The following IL1RAP variants were observed in gnomAD, a reference collection of about 807,000 sequenced individuals.
IL1RAP encodes the protein interleukin-1 receptor accessory protein.
Under a neutral mutation model 60.7 loss-of-function variants are expected in IL1RAP, and 35 were observed. That is an observed-to-expected ratio of 0.58 (90% confidence interval 0.44 to 0.76). The LOEUF is 0.76. Among genes scored for constraint, IL1RAP ranks in the 30% least tolerant of loss-of-function variants. The pLI, the probability that IL1RAP is intolerant of heterozygous loss-of-function variation, is 0.00. For synonymous variants in IL1RAP, 268 were observed against 250.9 expected (o/e 1.07, Z -0.64); for missense variants, 572 against 693.9 (o/e 0.82, Z 1.97).
Position 190,545,489 on chromosome 3 carries a change from A to G in IL1RAP, c.-88-10641A>G, listed in dbSNP as rs74781163. ...ATCCTTTTATCGGAGACAGCTACAG[A>G]TCAATGACATGAAGCAACATGGGAT... On this transcript the variant is annotated intron_variant, in intron 1 of 11. Transcript: ENST00000447382. Among the ~76,000 whole-genome samples the G allele has an allele frequency of 9.1e-3, 1,386 of 152,318 alleles. 12 individuals carry two copies. The highest frequency in any genetic ancestry group is 0.013 in the Non-Finnish European group (911 of 68,026).
chr3:190,658,921 C>T (rs1734697674), exon 12 of IL1RAP: 1 of 152,192 alleles, frequency 6.6e-6, no homozygotes, highest in Non-Finnish European at 1.5e-5. Context: ...TAGAAAATGA[C>T]TTAGCACAAC....
intron 3 of IL1RAP, among the ~76,000 whole-genome samples, chr3:190,575,227 G>A (rs940713669): frequency 6.6e-6 from 1 of 152,126 alleles, no homozygotes; most frequent in African/African-American, 2.4e-5. Context: ...TGTACGTAGG[G>A]TAGGCAAAGA....
intron 1 of IL1RAP, among the ~76,000 whole-genome samples, chr3:190,523,805 T>C (rs546568744): frequency 6.6e-6 from 1 of 152,238 alleles, no homozygotes; most frequent in African/African-American, 2.4e-5. Flanking sequence ...TCTTTGCTAT[T>C]GTGAATAGTG....
At chr3:190,527,648 G>C (rs891292243) in intron 1 of IL1RAP, among the ~76,000 whole-genome samples, 2 of 146,182 alleles carry the variant, frequency 1.4e-5, no homozygotes, top group African/African-American at 5.2e-5. Context: ...ACATTTGTTT[G>C]CTTCTTTGTA....
intron 9 of IL1RAP, among the ~76,000 whole-genome samples, chr3:190,636,929 T>C (rs1733271572): frequency 6.6e-6 from 1 of 152,192 alleles, no homozygotes; most frequent in South Asian, 2.1e-4. Flanking sequence ...TTTGAGCTTT[T>C]GGCTCTTCCT....
chr3:190,524,873 C>CAT (rs1468092018), intron 1 of IL1RAP, among the ~76,000 whole-genome samples: 3 of 151,948 alleles, frequency 2.0e-5, no homozygotes, highest in Non-Finnish European at 1.5e-5. Context: ...CATATACACA[C>CAT]ATATATATAC....
chr3:190,627,196 A>T (rs1040089763), intron 7 of IL1RAP, 127 bp from the exon 8 acceptor site: 2 of 728,916 alleles, frequency 2.7e-6, no homozygotes, highest in African/African-American at 1.8e-5. Context: ...TTAGCCAGAG[A>T]GTAGAACCAA....
chr3:190,598,370 C>G (rs1729566186), intron 3 of IL1RAP, among the ~76,000 whole-genome samples: 1 of 151,752 alleles, frequency 6.6e-6, no homozygotes, highest in Non-Finnish European at 1.5e-5. Flanking sequence ...GACTGTCAAG[C>G]CAATACATAA....
intron 1 of IL1RAP, among the ~76,000 whole-genome samples, chr3:190,524,511 A>T (rs1446695169): frequency 6.6e-6 from 1 of 152,038 alleles, no homozygotes; most frequent in Non-Finnish European, 1.5e-5. Context: ...TTTACGTATG[A>T]TGTAAGGAAG....
chr3:190,515,231 T>C (rs983219458), intron 1 of IL1RAP, among the ~76,000 whole-genome samples: 1 of 125,956 alleles, frequency 7.9e-6, no homozygotes, highest in African/African-American at 3.9e-5. Context: ...CTTTCTTTCT[T>C]CCTTTTTTTT....
chr3:190,616,212 T>G (rs1163723972), intron 5 of IL1RAP, among the ~76,000 whole-genome samples: 4 of 152,220 alleles, frequency 2.6e-5, no homozygotes, highest in Non-Finnish European at 5.9e-5. Flanking sequence ...TCGATAGCAC[T>G]TCATTCATAT....
At chr3:190,613,940 T>G (rs762776101) in intron 5 of IL1RAP, among the ~76,000 whole-genome samples, 1 of 152,100 alleles carries the variant, frequency 6.6e-6, no homozygotes, top group South Asian at 2.1e-4. Flanking sequence ...GGTAATCAAC[T>G]GACACCTTTA....
intron 9 of IL1RAP, among the ~76,000 whole-genome samples, chr3:190,641,230 G>A (rs1232787339): frequency 6.6e-6 from 1 of 152,234 alleles, no homozygotes; most frequent in Non-Finnish European, 1.5e-5. Context: ...CTCCCAAAGT[G>A]TTGGGGTTAC....
chr3:190,614,493 C>G (rs1037629897), intron 5 of IL1RAP, among the ~76,000 whole-genome samples: 2 of 152,052 alleles, frequency 1.3e-5, no homozygotes, highest in African/African-American at 4.8e-5. Context: ...TAACAGCTAA[C>G]ATTTACTGAA....
At chr3:190,516,928 G>A (rs932262380) in intron 1 of IL1RAP, among the ~76,000 whole-genome samples, 2 of 152,136 alleles carry the variant, frequency 1.3e-5, no homozygotes, top group African/African-American at 4.8e-5. Flanking sequence ...TCAACTCTGG[G>A]AATACAGTTC....
At chr3:190,540,810 G>C (rs1260731960) in intron 1 of IL1RAP, among the ~76,000 whole-genome samples, 2 of 152,072 alleles carry the variant, frequency 1.3e-5, no homozygotes, top group Non-Finnish European at 2.9e-5. Flanking sequence ...AGAATGTGAT[G>C]TACATCACAG....
At chr3:190,608,126 G>A (rs73062215) in intron 4 of IL1RAP, among the ~76,000 whole-genome samples, 10,959 of 152,224 alleles carry the variant, frequency 0.072, 724 homozygotes, top group African/African-American at 0.17. Context: ...ATATTTTGCT[G>A]TGTTGAACAG....
chr3:190,625,616 A>T (rs192065268), intron 7 of IL1RAP, among the ~76,000 whole-genome samples: 1 of 152,224 alleles, frequency 6.6e-6, no homozygotes, highest in Non-Finnish European at 1.5e-5. Flanking sequence ...TTGATCTTGT[A>T]TGTTATGTAT....
chr3:190,573,491 G>A (rs532063282), intron 3 of IL1RAP, among the ~76,000 whole-genome samples: 2 of 152,128 alleles, frequency 1.3e-5, no homozygotes, highest in African/African-American at 4.8e-5. Context: ...ATTAGTAATC[G>A]GAAGTGTTGG....
Sources: gnomAD v4.1 joint callset for allele counts (sites outside exome capture counted in the v4.1 genomes callset) on GRCh38, gnomAD v4.1.1 for gene constraint, MANE v1.5 for transcripts, NCBI Gene and HGNC (gene_info 2026-07-23, HGNC 2026-07-21) for gene names.